The following AKAP13 variants were observed in gnomAD, a reference collection of about 807,000 sequenced individuals.
AKAP13 encodes the protein A-kinase anchor protein 13.
Under a neutral mutation model 264.5 loss-of-function variants are expected in AKAP13, and 80 were observed. That is an observed-to-expected ratio of 0.30 (90% confidence interval 0.25 to 0.36). The LOEUF is 0.36. Ranked by LOEUF, AKAP13 falls within the 10% of genes least tolerant of loss-of-function variation. The pLI is 1.00. For missense variants in AKAP13, 3,712 were observed against 3,435.2 expected (o/e 1.08, Z -2.01); for synonymous variants, 1,380 against 1,250.2 (o/e 1.10, Z -2.19).
In AKAP13 at chr15:85,715,844, A is replaced by G. The variant is rs750049575; in HGVS notation, c.5656A>G (p.Thr1886Ala). Residue 1886 changes from threonine to alanine, a missense_variant, in exon 20 of 37, where the codon ACC becomes GCC. Thr to Ala is a moderately conservative substitution (Grantham distance 58). Coordinates refer to ENST00000394518, the MANE Select transcript of AKAP13 (RefSeq NM_007200.5). The part of the protein sequence containing the change: ...SAVLLVDETA[T>A]TPIFANRRSQ... ...AGTCCTCCTGGTGGATGAAACCGCTACCACCCCAATATTTGCCAATAGACG... is the reference window on the plus strand; with the variant it reads ...AGTCCTCCTGGTGGATGAAACCGCTGCCACCCCAATATTTGCCAATAGACG... 30 of 1,613,364 alleles carry G rather than the reference A, an allele frequency of 1.9e-5. No homozygotes were observed. In the East Asian group the frequency reaches 2.0e-4, roughly 11 times the overall value.
intron 11 of AKAP13, among the ~76,000 whole-genome samples, chr15:85,657,452 G>GATATAAT (rs1403186763): frequency 6.6e-6 from 1 of 152,096 alleles, no homozygotes; most frequent in Non-Finnish European, 1.5e-5. Flanking sequence ...TAATTTTTCA[G>GATATAAT]TCCTCTCCAT....
chr15:85,726,154 G>A (rs371188103), intron 26 of AKAP13: 2 of 397,322 alleles, frequency 5.0e-6, no homozygotes, highest in South Asian at 5.1e-5. Flanking sequence ...TTCTAGGACT[G>A]AGTACTTAAA....
intron 1 of AKAP13, among the ~76,000 whole-genome samples, chr15:85,424,609 CTTA>C (rs1402313575): frequency 6.6e-6 from 1 of 152,188 alleles, no homozygotes; most frequent in Non-Finnish European, 1.5e-5. Flanking sequence ...ATTGTGCTTT[CTTA>C]TTATTTATGT....
intron 5 of AKAP13, chr15:85,555,606 A>T: frequency 1.6e-6 from 1 of 639,358 alleles, no homozygotes; most frequent in South Asian, 1.5e-5. Flanking sequence ...TCCCTGAAGG[A>T]CTTGTGTTGT....
chr15:85,718,195 T>C lies in AKAP13; in HGVS notation c.6001+36T>C. On this transcript the variant is annotated intron_variant, in intron 22 of 36. Transcript: ENST00000394518. This position sits in a 1 kb window ranked among gnomAD's most constrained non-coding sequence, Gnocchi z 4.9. ...TCATTTTGCTCTGATTATATTTGAT[T>C]TCCATTGTCCAGCATTTTTAAGCAG... 1 of 1,605,694 alleles carries C rather than the reference T, an allele frequency of 6.2e-7. No homozygotes were observed. Among genetic ancestry groups the C allele is most frequent in the South Asian group, 1.1e-5 (1 of 90,578 alleles).
At chr15:85,726,345 C>T in intron 26 of AKAP13, 65 bp from the exon 27 acceptor site, 1 of 1,384,906 alleles carries the variant, frequency 7.2e-7, no homozygotes, top group South Asian at 1.2e-5. Context: ...AAAAAACCTT[C>T]TGACTGTGGG....
chr15:85,726,552 C>T, intron 27 of AKAP13, 66 bp downstream of exon 27: 1 of 1,351,154 alleles, frequency 7.4e-7, no homozygotes, highest in South Asian at 1.2e-5. Flanking sequence ...AATGTAAGCA[C>T]TATGTTATTG....
intron 1 of AKAP13, among the ~76,000 whole-genome samples, chr15:85,403,197 A>T (rs2071505747): frequency 1.3e-5 from 2 of 152,152 alleles, no homozygotes; most frequent in South Asian, 4.1e-4. Flanking sequence ...AGAATAATAG[A>T]TATGAAAAAA....
In AKAP13 at chr15:85,543,805, C is replaced by T. The variant is rs1162278099; in HGVS notation, c.512C>T (p.Ala171Val). 5.0e-6 allele frequency: 8 copies of T among 1,612,574 alleles called. No homozygotes were observed. The highest frequency in any genetic ancestry group is 6.8e-6 in the Non-Finnish European group (8 of 1,179,182). The change falls in exon 5 of 37, where the codon GCT (alanine) becomes GTT (valine). Residue 171 changes from alanine to valine, a missense_variant. Coordinates refer to ENST00000394518, the MANE Select transcript of AKAP13 (RefSeq NM_007200.5). ...CCGCGAGAGACATTGATGCATTTTG[C>T]TGTGCGGCTGGGACTGCTGAGGTTG... ...AGPRETLMHF[A>V]VRLGLLRLTW...
At chr15:85,552,842 A>G (rs1191089726) in intron 5 of AKAP13, among the ~76,000 whole-genome samples, 1 of 151,716 alleles carries the variant, frequency 6.6e-6, no homozygotes, top group Non-Finnish European at 1.5e-5. Flanking sequence ...GATTTATCAT[A>G]GTTTTTATAC....
At chr15:85,452,580 G>A (rs906407237) in intron 1 of AKAP13, among the ~76,000 whole-genome samples, 1 of 152,176 alleles carries the variant, frequency 6.6e-6, no homozygotes, top group Non-Finnish European at 1.5e-5. Flanking sequence ...GAGGTTTTGT[G>A]TAGGGTGTTT....
At chr15:85,410,869 G>C (rs2071927303) in intron 1 of AKAP13, among the ~76,000 whole-genome samples, 1 of 151,684 alleles carries the variant, frequency 6.6e-6, no homozygotes, top group South Asian at 2.1e-4. Flanking sequence ...AAATGGCTCT[G>C]TATTGTGTTA....
Position 85,575,310 on chromosome 15 carries a change from A to T in AKAP13, c.842A>T (p.Asn281Ile). 6.2e-7 allele frequency: 1 copy of T among 1,614,100 alleles called. No homozygotes were observed. The highest frequency in any genetic ancestry group is 8.5e-7 in the Non-Finnish European group (1 of 1,180,008). ...GCTGPIFKLM[N>I]IQQQLMKTNL... is the part of the protein sequence containing the mutation. ...ACTGGACCAATTTTTAAACTTATGA[A>T]CATCCAACAGCAACTAATGGTAAGT... The change falls in exon 6 of 37, where the codon AAC becomes ATC. Residue 281 changes from asparagine (N) to isoleucine (I), a missense_variant. Around this residue, in one of 3 missense-constraint regions of AKAP13, gnomAD observed 2,759 missense variants for 2,411.7 expected, o/e 1.14. Coordinates refer to ENST00000394518, the MANE Select transcript of AKAP13 (RefSeq NM_007200.5).
At chr15:85,538,706 G>C (rs908249796) in intron 4 of AKAP13, among the ~76,000 whole-genome samples, 2 of 151,264 alleles carry the variant, frequency 1.3e-5, no homozygotes, top group African/African-American at 4.9e-5. Context: ...AGCCAGGATG[G>C]TCTCGATCTC....
intron 14 of AKAP13, among the ~76,000 whole-genome samples, chr15:85,673,037 A>G (rs1194401935): frequency 6.6e-6 from 1 of 152,178 alleles, no homozygotes; most frequent in Non-Finnish European, 1.5e-5. Flanking sequence ...TTCCTTCTAA[A>G]GAAATTATTA....
chr15:85,568,718 A>G (rs1418600544), intron 5 of AKAP13, among the ~76,000 whole-genome samples: 1 of 152,162 alleles, frequency 6.6e-6, no homozygotes, highest in Admixed American at 6.5e-5. Context: ...GCTTCGCAGA[A>G]TTAAGATTAT....
chr15:85,481,271 A>G (rs2075343846), intron 1 of AKAP13, among the ~76,000 whole-genome samples: 1 of 152,096 alleles, frequency 6.6e-6, no homozygotes, highest in Admixed American at 6.5e-5. Context: ...AACTTTGCAC[A>G]CCCAGCGCTG....
rs184362464 is a variant in AKAP13 at position 85,474,571 on chromosome 15, C to T, written c.-11-11139C>T. Among the ~76,000 whole-genome samples the T allele has an allele frequency of 1.8e-4, 27 of 152,164 alleles. No individual in the cohort carries two copies. The East Asian group carries it at 3.7e-3, about 21-fold the overall frequency. On this transcript the variant is annotated intron_variant, in intron 1 of 36. Transcript: ENST00000394518. ...TTAGAAATAAAATTTTTCATTGAAG[C>T]GATTAACATTAACAAAATCTTTAAT...
intron 8 of AKAP13, among the ~76,000 whole-genome samples, chr15:85,592,855 A>G (rs2079642903): frequency 6.6e-6 from 1 of 152,208 alleles, no homozygotes; most frequent in Non-Finnish European, 1.5e-5. Context: ...CTTAGTGTAA[A>G]ACTACCCATA....
Sources: gnomAD v4.1 joint callset for allele counts (sites outside exome capture counted in the v4.1 genomes callset) on GRCh38, gnomAD v4.1.1 for gene constraint, gnomAD v4.1.1 regional missense constraint, Gnocchi (gnomAD v3.1) non-coding constraint, MANE v1.5 for transcripts, NCBI Gene and HGNC (gene_info 2026-07-23, HGNC 2026-07-21) for gene names.